The following CSMD1 variants were observed in gnomAD, a reference collection of about 807,000 sequenced individuals.
CSMD1 encodes CUB and sushi domain-containing protein 1.
Under a neutral mutation model 417.5 loss-of-function variants are expected in CSMD1, and 213 were observed. The ratio of observed to expected loss-of-function variants is 0.51; its 90% CI spans 0.46 to 0.57. The LOEUF (loss-of-function observed/expected upper bound fraction) is 0.57, where lower values mean the gene tolerates loss of function less well. Ranked by LOEUF, CSMD1 falls within the 20% of genes least tolerant of loss-of-function variation. The pLI, the probability that CSMD1 is intolerant of heterozygous loss-of-function variation, is 0.00. For missense variants in CSMD1, 6,923 were observed against 4,529.7 expected, an observed-to-expected ratio of 1.53 and a Z score of -15.17; for synonymous variants, 2,862 against 1,736.8, an observed-to-expected ratio of 1.65 and a Z score of -16.11.
intron 1 of CSMD1, among the ~76,000 whole-genome samples, chr8:4,823,292 A>C (rs1321857493): frequency 6.6e-6 from 1 of 152,000 alleles, no homozygotes; most frequent in Admixed American, 6.6e-5. Context: ...AAAACAATTA[A>C]TTATTTTTTC....
chr8:3,845,650 A>AT (rs1013992890), intron 5 of CSMD1, among the ~76,000 whole-genome samples: 2 of 151,980 alleles, frequency 1.3e-5, no homozygotes, highest in Admixed American at 6.6e-5. Flanking sequence ...TCATTTAAAC[A>AT]TTTTTTTGTC....
chr8:4,313,390 T>G (rs1280512759), intron 3 of CSMD1, among the ~76,000 whole-genome samples: 1 of 151,774 alleles, frequency 6.6e-6, no homozygotes, highest in Admixed American at 6.6e-5. Context: ...ACTCTGCTTT[T>G]GAGAATGCGT....
At chr8:3,228,896 TC>T (rs1798666875) in intron 27 of CSMD1, among the ~76,000 whole-genome samples, 1 of 151,990 alleles carries the variant, frequency 6.6e-6, no homozygotes, top group Non-Finnish European at 1.5e-5. Flanking sequence ...CTCTGCAGTC[TC>T]CCGGTGACTC....
At chr8:3,538,591 C>T (rs1437544698) in intron 10 of CSMD1, among the ~76,000 whole-genome samples, 5 of 152,232 alleles carry the variant, frequency 3.3e-5, no homozygotes, top group Non-Finnish European at 7.3e-5. Context: ...TGATTGTGTG[C>T]CCACAAAAGT....
At chr8:4,725,133 C>A (rs1485052552) in intron 1 of CSMD1, among the ~76,000 whole-genome samples, 2 of 152,068 alleles carry the variant, frequency 1.3e-5, no homozygotes, top group African/African-American at 2.4e-5. Flanking sequence ...ATGTTTTACA[C>A]ATTATAAAAG....
chr8:4,255,814 A>G (rs1003711905), intron 3 of CSMD1, among the ~76,000 whole-genome samples: 2 of 152,224 alleles, frequency 1.3e-5, no homozygotes, highest in Non-Finnish European at 2.9e-5. Context: ...CCTCTGGGGC[A>G]CTGGCTGGCC....
intron 22 of CSMD1, among the ~76,000 whole-genome samples, chr8:3,345,006 T>G (rs1455477353): frequency 6.6e-6 from 1 of 152,160 alleles, no homozygotes; most frequent in Admixed American, 6.5e-5. Flanking sequence ...TGGTTTTAAT[T>G]CCAGAGGAAT....
chr8:2,959,918 G>A (rs559512682), intron 62 of CSMD1, among the ~76,000 whole-genome samples: 6 of 152,214 alleles, frequency 3.9e-5, no homozygotes, highest in African/African-American at 1.2e-4. Context: ...TCTTGCTGTT[G>A]GATAAAATCA....
At chr8:3,192,778 G>C (rs576707250) in intron 33 of CSMD1, among the ~76,000 whole-genome samples, 1 of 152,072 alleles carries the variant, frequency 6.6e-6, no homozygotes, top group African/African-American at 2.4e-5. Flanking sequence ...TTCCTTTGTG[G>C]AGTCATGTTG....
At chr8:4,016,224 T>C (rs755820897) in intron 4 of CSMD1, among the ~76,000 whole-genome samples, 2 of 152,174 alleles carry the variant, frequency 1.3e-5, no homozygotes, top group Admixed American at 6.5e-5. Flanking sequence ...TTTAGTCATG[T>C]GATCTCTCCA....
chr8:4,111,166 G>C (rs557228867), intron 3 of CSMD1, among the ~76,000 whole-genome samples: 336 of 152,240 alleles, frequency 2.2e-3, no homozygotes, highest in African/African-American at 7.5e-3. Flanking sequence ...GGACAGAAAA[G>C]TTTCCCTGTT....
At chr8:3,366,722 T>C (rs759899028) in intron 20 of CSMD1, among the ~76,000 whole-genome samples, 21 of 152,238 alleles carry the variant, frequency 1.4e-4, no homozygotes, top group Admixed American at 1.1e-3. Context: ...AGAGATCTTG[T>C]AGAGTTGGTG....
Position 3,190,032 on chromosome 8 carries a change from C to A in CSMD1, c.5278G>T (p.Gly1760Cys), listed in dbSNP as rs1796316810. The A allele has an allele frequency of 1.3e-6, 2 of 1,594,490 alleles. No individual in the cohort carries two copies. The highest frequency in any genetic ancestry group is 1.3e-5 in the African/African-American group (1 of 74,548). Reference protein sequence around the residue: ...GRRIGSEFSAGSIVRFECNPG... With the variant: ...GRRIGSEFSACSIVRFECNPG... ...TTGCACTCGAATCGGACGATGGAGC[C>A]GGCAGAAAACTCAGAACCAATTCTC... The change falls in exon 34 of 70, where the codon GGC becomes TGC. Residue 1760 changes from glycine (G) to cysteine (C), a missense_variant. Physicochemically the swap from Gly to Cys is radical, Grantham distance 159 (BLOSUM62 -3). Coordinates refer to ENST00000635120, the MANE Select transcript of CSMD1 (RefSeq NM_033225.6).
At chr8:4,693,843 G>C (rs994063857) in intron 1 of CSMD1, among the ~76,000 whole-genome samples, 2 of 152,202 alleles carry the variant, frequency 1.3e-5, no homozygotes, top group African/African-American at 4.8e-5. Flanking sequence ...TGCCTGGCCA[G>C]GTCCTATTCT....
At chr8:3,729,086 C>T (rs1802664159) in intron 6 of CSMD1, among the ~76,000 whole-genome samples, 1 of 152,210 alleles carries the variant, frequency 6.6e-6, no homozygotes, top group Non-Finnish European at 1.5e-5. Context: ...CTGAACATGT[C>T]AGCCAGGGAA....
At chr8:4,750,340 G>A (rs956164920) in intron 1 of CSMD1, among the ~76,000 whole-genome samples, 1 of 152,160 alleles carries the variant, frequency 6.6e-6, no homozygotes, top group Non-Finnish European at 1.5e-5. Context: ...TCTAGAAACT[G>A]CTGAACAGAA....
intron 3 of CSMD1, among the ~76,000 whole-genome samples, chr8:4,308,436 G>A (rs928851044): frequency 6.6e-6 from 1 of 152,008 alleles, no homozygotes; most frequent in East Asian, 1.9e-4. Context: ...TCTGATGATG[G>A]GAAAAAAGGT....
chr8:4,099,431 C>T (rs888383877), intron 3 of CSMD1, among the ~76,000 whole-genome samples: 4 of 152,118 alleles, frequency 2.6e-5, no homozygotes, highest in African/African-American at 7.2e-5. Flanking sequence ...AATGCCACCA[C>T]TCAGTTCTAA....
intron 10 of CSMD1, among the ~76,000 whole-genome samples, chr8:3,528,647 A>G (rs555249570): frequency 6.6e-6 from 1 of 152,350 alleles, no homozygotes; most frequent in South Asian, 2.1e-4. Context: ...AATGTCTTGA[A>G]ATTCTTCTTG....
Sources: allele counts gnomAD v4.1 joint callset (sites outside exome capture counted in the v4.1 genomes callset), GRCh38; gene constraint gnomAD v4.1.1; transcripts MANE v1.5; gene names NCBI Gene and HGNC (gene_info 2026-07-23, HGNC 2026-07-21).